The following TRIP10 variants were observed in gnomAD, a reference collection of about 807,000 sequenced individuals.
The protein encoded by TRIP10 is thyroid hormone receptor interactor 10.
A neutral mutation model predicts 80.9 loss-of-function variants in TRIP10; 54 were observed. The ratio of observed to expected loss-of-function variants is 0.67; its 90% CI spans 0.54 to 0.84. The LOEUF (loss-of-function observed/expected upper bound fraction) is 0.84. Ranked by LOEUF, TRIP10 falls within the 40% of genes least tolerant of loss-of-function variation. TRIP10 has a pLI of 0.00. For missense variants in TRIP10, 773 were observed against 815.3 expected (o/e 0.95, Z 0.63); for synonymous variants, 321 against 307.2 (o/e 1.04, Z -0.47).
rs1429422509 is a variant in TRIP10, at chr19:6,751,298, C to T, written c.*87C>T. ...CAGGACCTATGCACTTTATTTCTGA[C>T]CCCGTGGCTTCGGCTGAGACCTGTG... On this transcript the variant is annotated 3_prime_UTR_variant, in exon 15 of 15. Transcript: ENST00000313244. The T allele has an allele frequency of 6.3e-7, 1 of 1,596,076 alleles. No individual in the cohort carries two copies. The highest frequency in any genetic ancestry group is 1.3e-5 in the African/African-American group (1 of 74,526).
At chr19:6,741,685 A>G (rs1968922093) in intron 3 of TRIP10, among the ~76,000 whole-genome samples, 1 of 152,172 alleles carries the variant, frequency 6.6e-6, no homozygotes, top group Admixed American at 6.5e-5. Context: ...TGTGCAGTCC[A>G]TATCAAACGC....
chr19:6,745,525 T>C lies in TRIP10; in HGVS notation c.985-504T>C, dbSNP rs982057875. 3 of 979,230 alleles carry C rather than the reference T, an allele frequency of 3.1e-6. No homozygotes were observed. Among genetic ancestry groups the C allele is most frequent in the African/African-American group, 1.8e-5 (1 of 57,044 alleles). 60.7% of individuals were successfully genotyped at this position (979,230 alleles called of 1,614,324 possible). A position where few individuals can be genotyped will look rare whatever the true frequency, so the allele number is the denominator to read the frequency against. Reference sequence around the variant, plus strand: ...TCTGATGCCCCTAACCCCTCTCATTTTCCTGCCTTCCACTCCCTCTCGGCT... The same window carrying C: ...TCTGATGCCCCTAACCCCTCTCATTCTCCTGCCTTCCACTCCCTCTCGGCT... On this transcript the variant is annotated intron_variant, in intron 9 of 14. Transcript: ENST00000313244. The surrounding 1 kb of genome is among the most constrained non-coding windows in gnomAD (Gnocchi z 7.2).
chr19:6,740,057 G>A (rs1968862077), intron 1 of TRIP10, among the ~76,000 whole-genome samples: 1 of 152,172 alleles, frequency 6.6e-6, no homozygotes, highest in Non-Finnish European at 1.5e-5. Context: ...AGGCCGGGGC[G>A]GCTGAGAGAG....
At chr19:6,742,095 T>TAA (rs71177116) in intron 3 of TRIP10, among the ~76,000 whole-genome samples, 5,060 of 148,438 alleles carry the variant, frequency 0.034, 248 homozygotes, top group African/African-American at 0.1. Context: ...ATTGTAAAAT[T>TAA]AAAAAAAAAA....
rs1212843093 is a variant in TRIP10 at position 6,741,093 on chromosome 19, C to T, written c.108C>T (p.Thr36=). The change falls in exon 2 of 15, where the codon ACC becomes ACT. Residue 36 remains threonine, a synonymous_variant. Coordinates refer to ENST00000313244, the MANE Select transcript of TRIP10 (RefSeq NM_001288962.2). ...DRYVKFVKER[T]EVEQAYAKQL... is the part of the protein sequence containing the mutation. ...ATGTAAAGTTCGTGAAAGAACGCAC[C>T]GAAGTGGAACAGGCTTACGCCAAAC... The T allele has an allele frequency of 3.7e-6, 6 of 1,614,096 alleles. No homozygotes were observed. The African/African-American group carries it at 6.7e-5, about 18-fold the overall frequency.
In TRIP10 at chr19:6,751,273, C is replaced by T. The variant is rs1239879483; in HGVS notation, c.*62C>T. 1 of 1,611,840 alleles carries T rather than the reference C, an allele frequency of 6.2e-7. No homozygotes were observed. Among genetic ancestry groups the T allele is most frequent in the African/African-American group, 1.3e-5 (1 of 74,872 alleles). ...GCTGCTTCTGGGCCACGGGGAGCCC[C>T]AGGACCTATGCACTTTATTTCTGAC... is the stretch of plus-strand genomic sequence containing the variant. On this transcript the variant is annotated 3_prime_UTR_variant, in exon 15 of 15. Coordinates refer to ENST00000313244, the MANE Select transcript of TRIP10 (RefSeq NM_001288962.2).
chr19:6,750,948 TC>T (rs1969282335), intron 14 of TRIP10, 114 bp from the exon 15 acceptor site: 1 of 1,384,770 alleles, frequency 7.2e-7, no homozygotes, highest in Admixed American at 3.1e-5. Flanking sequence ...GGAGCCAAGA[TC>T]CGTGCCACTG....
Position 6,746,407 on chromosome 19 carries a change from G to T in TRIP10, c.1153-45G>T. 6.2e-7 allele frequency: 1 copy of T among 1,606,504 alleles called. No homozygotes were observed. Among genetic ancestry groups the T allele is most frequent in the Non-Finnish European group, 8.5e-7 (1 of 1,173,752 alleles). Reference sequence around the variant, plus strand: ...CTCAGACGGGTGCAGAGTCTGGCAGGCTAGACTCCTTGATCCCAAATTCAG... The same window carrying T: ...CTCAGACGGGTGCAGAGTCTGGCAGTCTAGACTCCTTGATCCCAAATTCAG... On this transcript the variant is annotated intron_variant, in intron 10 of 14. Transcript: ENST00000313244. This position sits in a 1 kb window ranked among gnomAD's most constrained non-coding sequence, Gnocchi z 6.2.
rs1352535295 is a variant in TRIP10, at chr19:6,744,915, C to G, written c.905C>G (p.Thr302Ser). 8.7e-6 allele frequency: 14 copies of G among 1,614,172 alleles called. No individual in the cohort carries two copies. Among genetic ancestry groups the G allele is most frequent in the Non-Finnish European group, 1.2e-5 (14 of 1,180,022 alleles). ...NRAPSDSSLG[T>S]PSDGRPELRG... ...GCACCCTCCGACAGCAGTCTGGGCACCCCCTCGGATGGACGGCCTGAACTC... is the reference window on the plus strand; with the variant it reads ...GCACCCTCCGACAGCAGTCTGGGCAGCCCCTCGGATGGACGGCCTGAACTC... Residue 302 changes from threonine (T) to serine (S), a missense_variant, in exon 9 of 15, where the codon ACC becomes AGC. Coordinates refer to ENST00000313244, the MANE Select transcript of TRIP10 (RefSeq NM_001288962.2). This position sits in a 1 kb window ranked among gnomAD's most constrained non-coding sequence, Gnocchi z 4.9.
intron 14 of TRIP10, 23 bp from the exon 15 acceptor site, chr19:6,751,040 G>GCCCACC: frequency 6.6e-7 from 1 of 1,503,808 alleles, no homozygotes; most frequent in Non-Finnish European, 8.9e-7. Flanking sequence ...GCAGATCTGG[G>GCCCACC]CCCACCCCCA....
In TRIP10 at chr19:6,746,058, G is replaced by GA. The variant is rs1969115541; in HGVS notation, c.1014_1015insA (p.Gly339ArgfsTer9). On this transcript the variant is annotated frameshift_variant, in exon 10 of 15. Transcript: ENST00000313244. LOFTEE classifies it high-confidence loss of function. This position sits in a 1 kb window ranked among gnomAD's most constrained non-coding sequence, Gnocchi z 6.2. ...GCCCCCCACCCCTCTCCCCCCTGGG[G>GA]GGCCCCGTACCCTCGGCATTGCCTA... 1 of 1,419,986 alleles carries GA rather than the reference G, an allele frequency of 7.0e-7. No homozygotes were observed. Among genetic ancestry groups the GA allele is most frequent in the Non-Finnish European group, 9.2e-7 (1 of 1,082,162 alleles). 88.0% of individuals were successfully genotyped at this position (1,419,986 alleles called of 1,614,324 possible).
Position 6,745,110 on chromosome 19 carries a change from C to T in TRIP10, c.984+116C>T, listed in dbSNP as rs1969071185. The T allele has an allele frequency of 4.4e-6, 6 of 1,360,972 alleles. No homozygotes were observed. The highest frequency in any genetic ancestry group is 5.8e-6 in the Non-Finnish European group (6 of 1,030,014). 84.3% of individuals were successfully genotyped at this position (1,360,972 alleles called of 1,614,324 possible). A position where few individuals can be genotyped will look rare whatever the true frequency, so the allele number is the denominator to read the frequency against. On this transcript the variant is annotated intron_variant, in intron 9 of 14. Transcript: ENST00000313244. This position sits in a 1 kb window ranked among gnomAD's most constrained non-coding sequence, Gnocchi z 7.2. ...CGCCGAGTCTCGGGCAGGAATTTTCCTCTTGGCTGCCAGCCCGGACTGGAG... is the reference window on the plus strand; with the variant it reads ...CGCCGAGTCTCGGGCAGGAATTTTCTTCTTGGCTGCCAGCCCGGACTGGAG...
chr19:6,750,636 G>C lies in TRIP10; in HGVS notation c.1657+3G>C. 2 of 1,613,960 alleles carry C rather than the reference G, an allele frequency of 1.2e-6. No individual in the cohort carries two copies. Among genetic ancestry groups the C allele is most frequent in the Non-Finnish European group, 1.7e-6 (2 of 1,179,908 alleles). On this transcript the variant is annotated splice_donor_region_variant and intron_variant, in intron 14 of 14. Coordinates refer to ENST00000313244, the MANE Select transcript of TRIP10 (RefSeq NM_001288962.2). ...TGTGGCCATCTACCACTTTGAAGGT[G>C]AGAACGGCCAGAGTGGGCTTGGCGG... is the stretch of plus-strand genomic sequence containing the variant.
chr19:6,746,243 C>T lies in TRIP10; in HGVS notation c.1152+47C>T, dbSNP rs1421077873. 6.7e-7 allele frequency: 1 copy of T among 1,488,042 alleles called. No homozygotes were observed. The highest frequency in any genetic ancestry group is 2.3e-5 in the Admixed American group (1 of 43,370). 92.2% of individuals were successfully genotyped at this position (1,488,042 alleles called of 1,614,324 possible). The stretch of plus-strand genomic sequence containing the variant: ...GAGGAGGTGGTGGCCCTAGCCTGCC[C>T]AGCGGCGGGTGGCGGGACCCTGGGC... On this transcript the variant is annotated intron_variant, in intron 10 of 14. Transcript: ENST00000313244. This position sits in a 1 kb window ranked among gnomAD's most constrained non-coding sequence, Gnocchi z 6.2.
intron 11 of TRIP10, among the ~76,000 whole-genome samples, chr19:6,749,248 TG>T (rs2145553019): frequency 6.6e-6 from 1 of 152,128 alleles, no homozygotes; most frequent in African/African-American, 2.4e-5. Context: ...GCCAGCCCAG[TG>T]TTATATTTCT....
chr19:6,745,858 G>A lies in TRIP10; in HGVS notation c.985-171G>A. 9.1e-6 allele frequency: 9 copies of A among 985,274 alleles called. No homozygotes were observed. The highest frequency in any genetic ancestry group is 1.1e-5 in the Non-Finnish European group (9 of 829,896). 61.0% of individuals were successfully genotyped at this position (985,274 alleles called of 1,614,324 possible). ...TGTGTGGTTGTGCATCTTGAGTTGT[G>A]GTTTTCTTACCGTTTTTTTTCTTTC... On this transcript the variant is annotated intron_variant, in intron 9 of 14. Transcript: ENST00000313244. This position sits in a 1 kb window ranked among gnomAD's most constrained non-coding sequence, Gnocchi z 7.2.
chr19:6,739,884 CT>C, intron 1 of TRIP10, 99 bp downstream of exon 1: 2 of 1,294,734 alleles, frequency 1.5e-6, no homozygotes, highest in East Asian at 2.9e-5. Flanking sequence ...GCGCCTTTCC[CT>C]TCCACCGACC....
rs371716049 is a variant in TRIP10, at chr19:6,743,242, A to G, written c.394A>G (p.Lys132Glu). The G allele has an allele frequency of 6.2e-7, 1 of 1,613,692 alleles. No homozygotes were observed. The highest frequency in any genetic ancestry group is 1.3e-5 in the African/African-American group (1 of 74,926). The change falls in exon 5 of 15, where the codon AAA becomes GAA. Residue 132 changes from lysine to glutamate, a missense_variant. Coordinates refer to ENST00000313244, the MANE Select transcript of TRIP10 (RefSeq NM_001288962.2). ...CCAGCAGCAGCTGGAAAATGGCTTT[A>G]AACAGCTGGAGAATGTGAGTTTGCA... is the stretch of plus-strand genomic sequence containing the variant. ...RAQQQLENGF[K>E]QLENSKRKFE...
rs963665151 is a variant in TRIP10, at chr19:6,744,341, C to G, written c.643-213C>G. Among the ~76,000 whole-genome samples the G allele has an allele frequency of 3.3e-5, 5 of 152,158 alleles. No individual in the cohort carries two copies. Among genetic ancestry groups the G allele is most frequent in the African/African-American group, 1.2e-4 (5 of 41,430 alleles). ...TCCTTTGAGAAGCCTTTGCTGACCCCCTAGGCACGCGTCCCCCTCTGAGAT... is the reference window on the plus strand; with the variant it reads ...TCCTTTGAGAAGCCTTTGCTGACCCGCTAGGCACGCGTCCCCCTCTGAGAT... On this transcript the variant is annotated intron_variant, in intron 7 of 14. Coordinates refer to ENST00000313244, the MANE Select transcript of TRIP10 (RefSeq NM_001288962.2). This position sits in a 1 kb window ranked among gnomAD's most constrained non-coding sequence, Gnocchi z 4.9.
Sources: gnomAD v4.1 joint callset for allele counts (sites outside exome capture counted in the v4.1 genomes callset) on GRCh38, gnomAD v4.1.1 for gene constraint, Gnocchi (gnomAD v3.1) non-coding constraint, MANE v1.5 for transcripts, NCBI Gene and HGNC (gene_info 2026-07-23, HGNC 2026-07-21) for gene names.